The following XDH variants were observed in gnomAD, a reference collection of about 807,000 sequenced individuals.
XDH encodes the protein xanthine dehydrogenase/oxidase.
XDH carries 138 observed loss-of-function variants against 156.1 expected under a neutral mutation model. The observed-to-expected ratio is 0.88, with a 90% CI of 0.77 to 1.02. XDH has a LOEUF of 1.02. Ranked by LOEUF, XDH falls within the 50% of genes least tolerant of loss-of-function variation. XDH has a pLI of 0.00. For synonymous variants in XDH, 669 were observed against 625.7 expected (o/e 1.07, Z -1.03); for missense variants, 1,849 against 1,684.9 (o/e 1.10, Z -1.71).
intron 6 of XDH, among the ~76,000 whole-genome samples, chr2:31,396,666 C>G (rs1686913438): frequency 6.6e-6 from 1 of 152,156 alleles, no homozygotes; most frequent in Admixed American, 6.5e-5. Context: ...TTTGCACCAA[C>G]CTAATAGAAA....
intron 9 of XDH, among the ~76,000 whole-genome samples, chr2:31,384,850 A>G (rs752345936): frequency 1.9e-4 from 29 of 152,166 alleles, no homozygotes; most frequent in Non-Finnish European, 4.3e-4. Context: ...AGCAAGTTCT[A>G]CGTTACTAAG....
chr2:31,365,625 G>C (rs1373356550), intron 22 of XDH, 81 bp from the exon 23 acceptor site: 8 of 1,541,654 alleles, frequency 5.2e-6, no homozygotes, highest in Non-Finnish European at 7.2e-6. Context: ...AAAAACAGCC[G>C]GGAAGCCATC....
At chr2:31,396,383 T>G (rs944186041) in intron 6 of XDH, among the ~76,000 whole-genome samples, 3 of 152,214 alleles carry the variant, frequency 2.0e-5, no homozygotes, top group Non-Finnish European at 2.9e-5. Context: ...ATTAACAATC[T>G]CTGGGTCTCA....
chr2:31,404,979 T>G (rs1661106372), intron 2 of XDH, among the ~76,000 whole-genome samples: 1 of 152,158 alleles, frequency 6.6e-6, no homozygotes, highest in Admixed American at 6.5e-5. Context: ...AAGGAGGGTT[T>G]TGTTGACAGA....
chr2:31,351,697 C>A (rs1244227049), intron 24 of XDH, among the ~76,000 whole-genome samples: 1 of 152,196 alleles, frequency 6.6e-6, no homozygotes, highest in East Asian at 1.9e-4. Flanking sequence ...CAAAGAGGAA[C>A]ATCTTTGACA....
At position 31,407,332 on chromosome 2, in the gene XDH, G is replaced by A. The variant is rs1050731166; in HGVS notation, c.43-1368C>T. On this transcript the variant is annotated intron_variant, in intron 1 of 35. Coordinates refer to ENST00000379416, the MANE Select transcript of XDH (RefSeq NM_000379.4). ...TGTGCTGGGGTTGGTATACACTCCC[G>A]GAGCTTGGTAGAGCAGAGGATGTGG... 3.9e-5 allele frequency among the ~76,000 whole-genome samples: 6 copies of A among 152,152 alleles called. No homozygotes were observed. The South Asian group carries it at 6.2e-4, about 16-fold the overall frequency.
chr2:31,397,568 T>C, intron 6 of XDH, 100 bp downstream of exon 6: 1 of 1,407,372 alleles, frequency 7.1e-7, no homozygotes, highest in Non-Finnish European at 1.0e-6. Flanking sequence ...TTATCATCAT[T>C]GTTTGTAGAC....
intron 6 of XDH, among the ~76,000 whole-genome samples, chr2:31,391,971 G>T (rs1043677071): frequency 6.6e-6 from 1 of 152,158 alleles, no homozygotes. Context: ...ATTAATTAAT[G>T]ATTCAATTTC....
chr2:31,341,077 C>T (rs554281938), intron 33 of XDH, among the ~76,000 whole-genome samples: 149 of 152,298 alleles, frequency 9.8e-4, no homozygotes, highest in Non-Finnish European at 1.8e-3. Flanking sequence ...TGCCATGTTT[C>T]CTCATTTCTC....
chr2:31,384,400 A>C (rs1284143625), intron 9 of XDH: 1 of 155,306 alleles, frequency 6.4e-6, no homozygotes, highest in Admixed American at 6.3e-5. Flanking sequence ...AAAAACATGA[A>C]AGTTTAACAT....
chr2:31,377,284 G>A (rs374672492), intron 13 of XDH, 47 bp from the exon 14 acceptor site: 89 of 1,609,844 alleles, frequency 5.5e-5, no homozygotes, highest in Non-Finnish European at 7.4e-5. Context: ...GCTCTGTAGG[G>A]GCTGCAAATG....
chr2:31,349,975 C>T (rs1302459160), intron 25 of XDH, 57 bp downstream of exon 25: 2 of 1,612,124 alleles, frequency 1.2e-6, no homozygotes, highest in African/African-American at 1.3e-5. Context: ...TACAAAGCCG[C>T]TGTCCCCCGA....
At chr2:31,385,369 C>A (rs1686560343) in intron 9 of XDH, among the ~76,000 whole-genome samples, 1 of 152,132 alleles carries the variant, frequency 6.6e-6, no homozygotes, top group Admixed American at 6.5e-5. Flanking sequence ...CAGTTGGGGA[C>A]TCTATCTTAT....
chr2:31,366,023 C>T lies in XDH; in HGVS notation c.2409G>A (p.Glu803=). 6.2e-7 allele frequency: 1 copy of T among 1,614,206 alleles called. No homozygotes were observed. Among genetic ancestry groups the T allele is most frequent in the Non-Finnish European group, 8.5e-7 (1 of 1,180,040 alleles). ...KRMGGGFGGK[E]TRSTVVSTAV... is the part of the protein sequence containing the mutation. ...CCGTGGACACCACAGTGCTCCGGGTCTCCTTGCCTCCAAAGCCTCCTCCCA... is the reference window on the plus strand; with the variant it reads ...CCGTGGACACCACAGTGCTCCGGGTTTCCTTGCCTCCAAAGCCTCCTCCCA... Residue 803 remains glutamate (E), a synonymous_variant, in exon 22 of 36, where the codon GAG becomes GAA. Coordinates refer to ENST00000379416, the MANE Select transcript of XDH (RefSeq NM_000379.4).
At chr2:31,375,590 C>T in intron 14 of XDH, 36 bp from the exon 15 acceptor site, 3 of 1,604,594 alleles carry the variant, frequency 1.9e-6, no homozygotes, top group South Asian at 2.2e-5. Flanking sequence ...GCGCTCCCGC[C>T]CAGCCCTCCA....
chr2:31,349,948 A>T (rs1470191967), intron 25 of XDH, 84 bp downstream of exon 25: 6 of 1,610,864 alleles, frequency 3.7e-6, no homozygotes. Context: ...ATCTGCCCCC[A>T]TGGGAGATGC....
Position 31,377,157 on chromosome 2 carries a change from TAAA to T in XDH, c.1320_1322del (p.Leu441del). 1.9e-6 allele frequency: 3 copies of T among 1,614,128 alleles called. No homozygotes were observed. Among genetic ancestry groups the T allele is most frequent in the Non-Finnish European group, 2.5e-6 (3 of 1,180,016 alleles). On this transcript the variant is annotated inframe_deletion, in exon 14 of 36. Coordinates refer to ENST00000379416, the MANE Select transcript of XDH (RefSeq NM_000379.4). ...GTACCTCTGTGGTTCCTGGCTTGAA[TAAA>T]ACTCTCATGCCACTGGTTACCTTGG...
At chr2:31,345,060 C>A (rs1007279631) in intron 30 of XDH, among the ~76,000 whole-genome samples, 1 of 152,128 alleles carries the variant, frequency 6.6e-6, no homozygotes. Flanking sequence ...CTCCTTATTG[C>A]CTGTAGAGCA....
chr2:31,353,632 T>C (rs2284831), intron 24 of XDH, among the ~76,000 whole-genome samples: 100,452 of 152,088 alleles, frequency 0.66, 33,399 homozygotes, highest in East Asian at 0.79. Flanking sequence ...ATGCCAATGA[T>C]GACAGAGACC....
Sources: allele counts gnomAD v4.1 joint callset (sites outside exome capture counted in the v4.1 genomes callset), GRCh38; gene constraint gnomAD v4.1.1; transcripts MANE v1.5; gene names NCBI Gene and HGNC (gene_info 2026-07-23, HGNC 2026-07-21).